The following SERPINE2 variants were observed in gnomAD, a reference collection of about 807,000 sequenced individuals.
SERPINE2 encodes the protein serpin family E member 2.
In SERPINE2, 14 loss-of-function variants were observed where a neutral mutation model predicts 36.3. That is an observed-to-expected ratio of 0.39 (90% CI 0.25 to 0.60). The LOEUF is 0.60. Ranked by LOEUF, SERPINE2 falls within the 20% of genes least tolerant of loss-of-function variation. The probability of loss-of-function intolerance (pLI) is 0.57; values close to 1 mark genes in which losing one functional copy is unlikely to be tolerated. For missense variants in SERPINE2, 418 were observed against 499.6 expected (o/e 0.84, Z 1.56); for synonymous variants, 192 against 191.8 (o/e 1.00, Z -0.01).
intron 3 of SERPINE2, among the ~76,000 whole-genome samples, chr2:223,995,312 C>A (rs1360400709): frequency 6.6e-6 from 1 of 152,228 alleles, no homozygotes; most frequent in Admixed American, 6.5e-5. Flanking sequence ...AACAGTTGAG[C>A]TCCAAGTCAC....
chr2:224,009,012 G>T (rs774975451), intron 1 of SERPINE2, among the ~76,000 whole-genome samples: 5 of 152,204 alleles, frequency 3.3e-5, no homozygotes, highest in Non-Finnish European at 7.3e-5. Flanking sequence ...AAAGGAGTCT[G>T]CTGGGCATTA....
At chr2:224,030,845 C>T (rs542097806) in intron 1 of SERPINE2, 1 of 467,818 alleles carries the variant, frequency 2.1e-6, no homozygotes, top group African/African-American at 2.1e-5. Flanking sequence ...TTCGCTTGGA[C>T]TCTTGTGTAA....
At chr2:224,006,689 G>T (rs973912091) in intron 1 of SERPINE2, among the ~76,000 whole-genome samples, 1 of 152,192 alleles carries the variant, frequency 6.6e-6, no homozygotes, top group Admixed American at 6.5e-5. Context: ...AGGTTGACCC[G>T]TGGGACTAAT....
At chr2:223,996,693 A>G (rs13406925) in intron 3 of SERPINE2, among the ~76,000 whole-genome samples, 40,023 of 152,050 alleles carry the variant, frequency 0.26, 6,393 homozygotes, top group African/African-American at 0.45. Flanking sequence ...CAGTAACCAC[A>G]CTTTTAAGAA....
rs1337085783 is a variant in SERPINE2 at position 224,030,865 on chromosome 2, CCTTCT to C, written c.-23+8229_-23+8233del. 1.8e-5 allele frequency: 12 copies of C among 652,874 alleles called. No individual in the cohort carries two copies. In the East Asian group the frequency reaches 1.6e-3, roughly 90 times the overall value. The allele number at this position is 652,874 out of a possible 1,614,324, so 40.4% of individuals were successfully genotyped here. ...TTGGACTCTTGTGTAAATCTCTCTA[CCTTCT>C]CAATCCAAAGGTCAGTACTAATTTT... On this transcript the variant is annotated intron_variant, in intron 1 of 8. Coordinates refer to ENST00000409304, the MANE Select transcript of SERPINE2 (RefSeq NM_001136528.2).
intron 3 of SERPINE2, among the ~76,000 whole-genome samples, chr2:223,995,105 TG>T (rs1690828069): frequency 6.6e-6 from 1 of 151,858 alleles, no homozygotes; most frequent in Non-Finnish European, 1.5e-5. Context: ...GACAGGATGG[TG>T]GGTAAGGGGA....
chr2:223,993,619 G>A (rs949977553), intron 3 of SERPINE2, among the ~76,000 whole-genome samples: 1 of 152,060 alleles, frequency 6.6e-6, no homozygotes, highest in African/African-American at 2.4e-5. Context: ...TAAATGGTGA[G>A]AGTAAAACCA....
intron 1 of SERPINE2, among the ~76,000 whole-genome samples, chr2:224,027,579 G>C (rs1260924341): frequency 6.6e-6 from 1 of 152,160 alleles, no homozygotes; most frequent in Non-Finnish European, 1.5e-5. Flanking sequence ...GGTAGAAGTG[G>C]TTGGGTCTGG....
chr2:224,004,744 C>T (rs1384608221), intron 1 of SERPINE2, among the ~76,000 whole-genome samples: 2 of 151,744 alleles, frequency 1.3e-5, no homozygotes, highest in Non-Finnish European at 2.9e-5. Context: ...ACATTGTGTA[C>T]AATCTTTCTT....
intron 1 of SERPINE2, among the ~76,000 whole-genome samples, chr2:224,012,795 A>T (rs900694308): frequency 1.3e-5 from 2 of 152,326 alleles, no homozygotes; most frequent in South Asian, 2.1e-4. Context: ...TCAGGAACTG[A>T]GACTCTGGAA....
At chr2:223,983,417 C>T (rs558528241) in intron 5 of SERPINE2, among the ~76,000 whole-genome samples, 1 of 152,190 alleles carries the variant, frequency 6.6e-6, no homozygotes, top group Non-Finnish European at 1.5e-5. Flanking sequence ...CCATGCCTGG[C>T]TAATTTTTTA....
intron 1 of SERPINE2, 55 bp from the exon 2 acceptor site, chr2:224,001,977 C>A: frequency 3.3e-6 from 4 of 1,198,954 alleles, no homozygotes; most frequent in Non-Finnish European, 4.5e-6. Context: ...TACTTTACTA[C>A]TTTTTTTTTT....
chr2:223,988,601 T>G (rs974638725), intron 4 of SERPINE2, among the ~76,000 whole-genome samples: 9 of 151,974 alleles, frequency 5.9e-5, no homozygotes, highest in African/African-American at 1.7e-4. Flanking sequence ...ATTCTTCATG[T>G]TTTTTTTCCA....
chr2:223,980,371 T>C lies in SERPINE2; in HGVS notation c.1012A>G (p.Ile338Val). ...ACTTCAATTTTTGCTTTTTGCAAGA[T>C]ATGAGAAACATGGAGGTTTTCTGAC... ...TRSENLHVSH[I>V]LQKAKIEVSE... Residue 338 changes from isoleucine to valine, a missense_variant, in exon 7 of 9, where the codon ATC becomes GTC. Transcript: ENST00000409304. The C allele has an allele frequency of 6.2e-7, 1 of 1,614,154 alleles. No individual in the cohort carries two copies. The highest frequency in any genetic ancestry group is 8.5e-7 in the Non-Finnish European group (1 of 1,179,962).
chr2:224,018,345 G>T (rs1221873798), intron 1 of SERPINE2, among the ~76,000 whole-genome samples: 2 of 152,154 alleles, frequency 1.3e-5, no homozygotes, highest in African/African-American at 4.8e-5. Flanking sequence ...AGCCAGACCA[G>T]CCCTGCCTCA....
At chr2:224,038,482 C>A (rs1328959590) in intron 1 of SERPINE2, 25 of 1,551,220 alleles carry the variant, frequency 1.6e-5, no homozygotes, top group Non-Finnish European at 2.1e-5. Flanking sequence ...ACCGTACTTT[C>A]ATTTTACCTG....
At chr2:224,036,884 G>C (rs954146955) in intron 1 of SERPINE2, among the ~76,000 whole-genome samples, 1 of 151,994 alleles carries the variant, frequency 6.6e-6, no homozygotes, top group Non-Finnish European at 1.5e-5. Flanking sequence ...GTAAGAAAAG[G>C]GAGTAACACT....
intron 4 of SERPINE2, chr2:223,985,160 C>T (rs1690378124): frequency 5.2e-6 from 3 of 571,680 alleles, no homozygotes; most frequent in Admixed American, 3.3e-5. Flanking sequence ...AGACAGAATG[C>T]CTTTGGGAAT....
At chr2:223,989,697 T>G (rs1393288345) in intron 4 of SERPINE2, among the ~76,000 whole-genome samples, 1 of 152,154 alleles carries the variant, frequency 6.6e-6, no homozygotes, top group Non-Finnish European at 1.5e-5. Context: ...CAGTGAAACC[T>G]GATGACAGGC....
Sources: allele counts gnomAD v4.1 joint callset (sites outside exome capture counted in the v4.1 genomes callset), GRCh38; gene constraint gnomAD v4.1.1; transcripts MANE v1.5; gene names NCBI Gene and HGNC (gene_info 2026-07-23, HGNC 2026-07-21).